Variants in SERPINA12 observed in about 807,000 individuals in gnomAD.
SERPINA12 encodes serpin family A member 12.
A neutral mutation model predicts 25.9 loss-of-function variants in SERPINA12; 21 were observed. That is an observed-to-expected ratio of 0.81 (90% CI 0.58 to 1.17). The LOEUF is 1.17. SERPINA12 is among the 50% of genes most tolerant of loss of function. The pLI, the probability that SERPINA12 is intolerant of heterozygous loss-of-function variation, is 0.00. For synonymous variants in SERPINA12, 220 were observed against 196.0 expected, an observed-to-expected ratio of 1.12 and a Z score of -1.02; for missense variants, 562 against 508.3, an observed-to-expected ratio of 1.11 and a Z score of -1.02.
chr14:94,516,041 C>T (rs1370100400), exon 2 of SERPINA12: 5 of 152,460 alleles, frequency 3.3e-5, no homozygotes, highest in African/African-American at 1.2e-4. Flanking sequence ...ATGATGCCGC[C>T]AGAACTTTCC....
chr14:94,487,536 T>G (rs1275373009), intron 4 of SERPINA12, 42 bp from the exon 5 acceptor site: 3 of 1,545,474 alleles, frequency 1.9e-6, no homozygotes, highest in Non-Finnish European at 2.6e-6. Context: ...CCAAGCTCCT[T>G]GGCGACCACA....
chr14:94,496,445 C>T lies in SERPINA12; in HGVS notation c.833G>A (p.Gly278Asp), dbSNP rs1900423480. The part of the protein sequence containing the change: ...ITAIFILPDE[G>D]KLKHLEKGLQ... ...TCCCTTCTCCAAGTGCTTCAGCTTG[C>T]CCTCATCAGGAAGGATGAAGATGGC... The change falls in exon 3 of 5, where the codon GGC becomes GAC. Residue 278 changes from glycine (G) to aspartate (D), a missense_variant. Coordinates refer to ENST00000677451, the MANE Select transcript of SERPINA12 (RefSeq NM_001382267.1). 1.2e-6 allele frequency: 2 copies of T among 1,613,974 alleles called. No homozygotes were observed. Among genetic ancestry groups the T allele is most frequent in the African/African-American group, 1.3e-5 (1 of 74,912 alleles).
At position 94,496,458 on chromosome 14, in the gene SERPINA12, G is replaced by A; in HGVS notation, c.820C>T (p.Leu274Phe). Residue 274 changes from leucine (L) to phenylalanine (F), a missense_variant, in exon 3 of 5, where the codon CTT (leucine) becomes TTT (phenylalanine). Physicochemically the swap from Leu to Phe is conservative, Grantham distance 22. Transcript: ENST00000677451. Reference protein sequence around the residue: ...YQKNITAIFILPDEGKLKHLE... With the variant: ...YQKNITAIFIFPDEGKLKHLE... ...TGCTTCAGCTTGCCCTCATCAGGAA[G>A]GATGAAGATGGCTGTGATATTTTTC... is the stretch of plus-strand genomic sequence containing the variant. 1 of 1,614,080 alleles carries A rather than the reference G, an allele frequency of 6.2e-7. No homozygotes were observed.
intron 1 of SERPINA12, among the ~76,000 whole-genome samples, chr14:94,499,937 G>T (rs1900639643): frequency 6.6e-6 from 1 of 152,180 alleles, no homozygotes; most frequent in South Asian, 2.1e-4. Context: ...ATTTTCTGGA[G>T]AGGGGAGGGC....
chr14:94,510,333 TA>T (rs1243053744), upstream of SERPINA12: 2 of 899,986 alleles, frequency 2.2e-6, no homozygotes, highest in South Asian at 5.1e-5. Flanking sequence ...ACAGAGGATA[TA>T]AAAAAAGAGC....
rs771106026 is a variant in SERPINA12 at position 94,498,020 on chromosome 14, C to T, written c.378G>A (p.Lys126=). The T allele has an allele frequency of 6.2e-7, 1 of 1,614,160 alleles. No homozygotes were observed. The highest frequency in any genetic ancestry group is 1.7e-5 in the Admixed American group (1 of 60,022). ...CAATGCTCAGTTTGAGGTCCTGGGT[C>T]TTCTGGGTCAGCTCGTGGATGATGT... ...FHYIIHELTQ[K]TQDLKLSIGN... Residue 126 remains lysine, a synonymous_variant, in exon 2 of 5, where the codon AAG becomes AAA. Transcript: ENST00000677451.
At chr14:94,499,273 A>G (rs1900608327) in intron 1 of SERPINA12, among the ~76,000 whole-genome samples, 1 of 152,150 alleles carries the variant, frequency 6.6e-6, no homozygotes, top group South Asian at 2.1e-4. Flanking sequence ...AGAGGATGGC[A>G]CCATGGGAGA....
upstream of SERPINA12, among the ~76,000 whole-genome samples, chr14:94,513,799 T>C (rs1901165865): frequency 6.6e-6 from 1 of 152,226 alleles, no homozygotes; most frequent in Non-Finnish European, 1.5e-5. Flanking sequence ...ACAACTGCTA[T>C]TGTCTTCCAG....
At chr14:94,492,658 C>A (rs768458129) in intron 3 of SERPINA12, among the ~76,000 whole-genome samples, 1 of 152,162 alleles carries the variant, frequency 6.6e-6, no homozygotes, top group South Asian at 2.1e-4. Context: ...AGGTCCAGTG[C>A]GTAAATGAGG....
chr14:94,505,780 G>A (rs190646688), intron 1 of SERPINA12, among the ~76,000 whole-genome samples: 1 of 152,336 alleles, frequency 6.6e-6, no homozygotes, highest in African/African-American at 2.4e-5. Flanking sequence ...AAGAGGCCAG[G>A]GTAGGGATGC....
intron 3 of SERPINA12, among the ~76,000 whole-genome samples, chr14:94,492,163 C>T (rs1183882367): frequency 3.3e-5 from 5 of 152,170 alleles, no homozygotes; most frequent in African/African-American, 1.2e-4. Context: ...ACTGACTGCA[C>T]TCTGCAACAC....
intron 1 of SERPINA12, among the ~76,000 whole-genome samples, chr14:94,517,111 C>T (rs746378519): frequency 3.9e-5 from 6 of 152,264 alleles, no homozygotes; most frequent in Non-Finnish European, 8.8e-5. Flanking sequence ...AAGGACCACA[C>T]GTAGTTCCAC....
chr14:94,492,553 G>C lies in SERPINA12; in HGVS notation c.906-2786C>G, dbSNP rs150473628. Among the ~76,000 whole-genome samples the C allele has an allele frequency of 1.9e-3, 294 of 152,310 alleles. 2 individuals carry two copies. The highest frequency in any genetic ancestry group is 6.7e-3 in the African/African-American group (280 of 41,552). On this transcript the variant is annotated intron_variant, in intron 3 of 4. Coordinates refer to ENST00000677451, the MANE Select transcript of SERPINA12 (RefSeq NM_001382267.1). ...GAAAGATAAGGGCATCTTTGTATCTGATGGAAATGATTCAGAAGAGAGAAA... is the reference window on the plus strand; with the variant it reads ...GAAAGATAAGGGCATCTTTGTATCTCATGGAAATGATTCAGAAGAGAGAAA...
At chr14:94,493,411 C>G (rs1282113873) in intron 3 of SERPINA12, among the ~76,000 whole-genome samples, 1 of 152,180 alleles carries the variant, frequency 6.6e-6, no homozygotes, top group Non-Finnish European at 1.5e-5. Context: ...GTGAGAGGAA[C>G]CTTCCTTTCT....
chr14:94,497,545 T>A (rs1175041920), intron 2 of SERPINA12, among the ~76,000 whole-genome samples: 1 of 152,236 alleles, frequency 6.6e-6, no homozygotes, highest in Non-Finnish European at 1.5e-5. Context: ...AATGATAGAC[T>A]TCATAAAGCT....
chr14:94,505,131 A>G (rs562980597), intron 1 of SERPINA12, among the ~76,000 whole-genome samples: 3 of 152,292 alleles, frequency 2.0e-5, no homozygotes, highest in African/African-American at 7.2e-5. Flanking sequence ...TCTGATCGAA[A>G]CACCTCGGAG....
chr14:94,516,333 G>A (rs1595703657), intron 1 of SERPINA12, among the ~76,000 whole-genome samples: 2 of 152,312 alleles, frequency 1.3e-5, no homozygotes, highest in Admixed American at 6.5e-5. Context: ...GCAGAATGAG[G>A]CCTGGTCAAA....
chr14:94,496,600 T>G lies in SERPINA12; in HGVS notation c.678A>C (p.Glu226Asp). The part of the protein sequence containing the change: ...HEFDPNVTKE[E>D]DFFLEKNSSV... Reference sequence around the variant, plus strand: ...AACTGTTTTTCTCCAGAAAGAAATCTTCCTCTTTAGTTACATTTGGATCAA... The same window carrying G: ...AACTGTTTTTCTCCAGAAAGAAATCGTCCTCTTTAGTTACATTTGGATCAA... The change falls in exon 3 of 5, where the codon GAA becomes GAC. Residue 226 changes from glutamate (E) to aspartate (D), a missense_variant. Transcript: ENST00000677451. 2.5e-6 allele frequency: 4 copies of G among 1,614,020 alleles called. No homozygotes were observed. Among genetic ancestry groups the G allele is most frequent in the Non-Finnish European group, 3.4e-6 (4 of 1,179,880 alleles).
upstream of SERPINA12, among the ~76,000 whole-genome samples, chr14:94,513,737 C>T (rs1379533689): frequency 6.6e-6 from 1 of 152,168 alleles, no homozygotes; most frequent in Admixed American, 6.5e-5. Context: ...TAAAAAATTA[C>T]TGGGTGCTCA....
Sources: allele counts gnomAD v4.1 joint callset (sites outside exome capture counted in the v4.1 genomes callset), GRCh38; gene constraint gnomAD v4.1.1; transcripts MANE v1.5; gene names NCBI Gene and HGNC (gene_info 2026-07-23, HGNC 2026-07-21).